Variants in SH3RF3 observed in about 807,000 individuals in gnomAD.
SH3RF3 encodes E3 ubiquitin-protein ligase SH3RF3.
SH3RF3 carries 29 observed loss-of-function variants against 66.3 expected under a neutral mutation model. The ratio of observed to expected loss-of-function variants is 0.44; its 90% CI spans 0.33 to 0.60. The LOEUF is 0.60. SH3RF3 is among the 20% of genes least tolerant of loss of function. SH3RF3 has a pLI of 0.04. For missense variants in SH3RF3, 1,194 were observed against 1,190.9 expected (o/e 1.00, Z -0.04); for synonymous variants, 583 against 532.0 (o/e 1.10, Z -1.32).
chr2:109,230,503 C>G (rs990313682), intron 1 of SH3RF3, among the ~76,000 whole-genome samples: 1 of 152,084 alleles, frequency 6.6e-6, no homozygotes, highest in Non-Finnish European at 1.5e-5. Context: ...TTGCTTGAAC[C>G]TAGTAGGTAG....
Position 109,177,049 on chromosome 2 carries a change from G to T in SH3RF3, c.573+46936G>T, listed in dbSNP as rs1210930227. On this transcript the variant is annotated intron_variant, in intron 1 of 9. Coordinates refer to ENST00000309415, the MANE Select transcript of SH3RF3 (RefSeq NM_001099289.3). ...TGTCAGCCACCTGCTGTGTGACCTG[G>T]TGGAAGTTACATTTAAATGTTCCAG... 2.6e-5 allele frequency among the ~76,000 whole-genome samples: 4 copies of T among 152,302 alleles called. 1 individual carries two copies. The East Asian group carries it at 7.7e-4, about 29-fold the overall frequency.
chr2:109,393,873 C>T (rs1676068697), intron 3 of SH3RF3, among the ~76,000 whole-genome samples: 1 of 150,374 alleles, frequency 6.7e-6, no homozygotes, highest in Non-Finnish European at 1.5e-5. Flanking sequence ...GCCAATCTTA[C>T]TCCTTTTTTA....
At chr2:109,342,037 G>A (rs766896008) in intron 1 of SH3RF3, among the ~76,000 whole-genome samples, 3 of 152,222 alleles carry the variant, frequency 2.0e-5, no homozygotes, top group African/African-American at 2.4e-5. Context: ...GGGGCCTATG[G>A]ACGAATGTGT....
At chr2:109,380,723 T>C (rs886674774) in intron 3 of SH3RF3, among the ~76,000 whole-genome samples, 2 of 152,168 alleles carry the variant, frequency 1.3e-5, no homozygotes, top group Non-Finnish European at 2.9e-5. Context: ...CCTTGTGCCA[T>C]AGTTCCTGAG....
intron 1 of SH3RF3, among the ~76,000 whole-genome samples, chr2:109,252,325 G>T (rs1680112985): frequency 1.3e-5 from 2 of 151,692 alleles, no homozygotes; most frequent in South Asian, 2.1e-4. Flanking sequence ...AGTTTACATT[G>T]TTCAACAGAA....
chr2:109,485,872 A>T lies in SH3RF3; in HGVS notation c.2149-4733A>T, dbSNP rs549281374. On this transcript the variant is annotated intron_variant, in intron 8 of 9. Transcript: ENST00000309415. ...CAGGGCTGCAGCACAGCCTCATCGC[A>T]AGCCTCCAGTCCCTGGCCCTCCCTG... Among the ~76,000 whole-genome samples, 4 of 152,334 alleles carry T rather than the reference A, an allele frequency of 2.6e-5. No individual in the cohort carries two copies. The South Asian group carries it at 6.2e-4, about 24-fold the overall frequency.
Position 109,264,272 on chromosome 2 carries a change from G to A in SH3RF3, c.574-83402G>A, listed in dbSNP as rs3925960. ...CCTCCCCAGGATCCACCTCGAGTCT[G>A]TGGGTGCCCCCATCCACCTCCACAG... On this transcript the variant is annotated intron_variant, in intron 1 of 9. Transcript: ENST00000309415. Among the ~76,000 whole-genome samples the A allele has an allele frequency of 6.2e-3, 905 of 145,266 alleles. 8 individuals are homozygous for A. The highest frequency in any genetic ancestry group is 0.018 in the South Asian group (80 of 4,484).
chr2:109,167,134 T>C (rs2104930463), intron 1 of SH3RF3, among the ~76,000 whole-genome samples: 1 of 152,354 alleles, frequency 6.6e-6, no homozygotes, highest in Non-Finnish European at 1.5e-5. Flanking sequence ...AAGTGTTCTT[T>C]ATGATATGGT....
chr2:109,448,450 C>G (rs1344721036), intron 7 of SH3RF3, among the ~76,000 whole-genome samples: 2 of 152,126 alleles, frequency 1.3e-5, no homozygotes, highest in East Asian at 3.9e-4. Context: ...TACAGCCCCT[C>G]CTCAACGCTT....
intron 1 of SH3RF3, among the ~76,000 whole-genome samples, chr2:109,146,317 A>G (rs1421956720): frequency 6.6e-6 from 1 of 152,188 alleles, no homozygotes; most frequent in Admixed American, 6.5e-5. Flanking sequence ...AAATTGCCAA[A>G]GGGATCATTC....
chr2:109,170,406 C>T (rs916706541), intron 1 of SH3RF3, among the ~76,000 whole-genome samples: 2 of 151,754 alleles, frequency 1.3e-5, no homozygotes, highest in South Asian at 4.2e-4. Context: ...AGTGCAGTGG[C>T]ACAATCTCGG....
intron 2 of SH3RF3, among the ~76,000 whole-genome samples, chr2:109,349,685 G>A (rs1289808291): frequency 6.6e-6 from 1 of 152,232 alleles, no homozygotes; most frequent in Non-Finnish European, 1.5e-5. Context: ...TCCTCCAGGG[G>A]CCTCACAGGA....
intron 1 of SH3RF3, among the ~76,000 whole-genome samples, chr2:109,195,391 C>T (rs890898908): frequency 8.5e-5 from 13 of 152,240 alleles, no homozygotes; most frequent in Admixed American, 7.2e-4. Context: ...CCTCTGGGAC[C>T]AGGCAGGCCC....
intron 8 of SH3RF3, among the ~76,000 whole-genome samples, chr2:109,468,519 G>A (rs1422231475): frequency 3.3e-5 from 5 of 152,208 alleles, no homozygotes; most frequent in Admixed American, 6.5e-5. Context: ...GTTTCCATGC[G>A]CCTGGCAAGA....
chr2:109,258,453 C>T (rs1490003768), intron 1 of SH3RF3, among the ~76,000 whole-genome samples: 1 of 152,162 alleles, frequency 6.6e-6, no homozygotes, highest in Non-Finnish European at 1.5e-5. Flanking sequence ...TGGAGGCTTC[C>T]TCGGGCCCTC....
intron 1 of SH3RF3, among the ~76,000 whole-genome samples, chr2:109,198,380 CAGTG>C (rs1288676840): frequency 6.6e-6 from 1 of 152,162 alleles, no homozygotes; most frequent in African/African-American, 2.4e-5. Context: ...AAACAAAACT[CAGTG>C]AGCAAGGGGT....
chr2:109,357,836 C>T (rs1463977173), intron 2 of SH3RF3, among the ~76,000 whole-genome samples: 3 of 152,204 alleles, frequency 2.0e-5, no homozygotes, highest in African/African-American at 4.8e-5. Flanking sequence ...TAAACCTCTG[C>T]CCCTACATGC....
intron 4 of SH3RF3, among the ~76,000 whole-genome samples, chr2:109,413,924 A>G (rs1676657997): frequency 6.6e-6 from 1 of 152,232 alleles, no homozygotes; most frequent in Non-Finnish European, 1.5e-5. Flanking sequence ...CAGCAGGGGC[A>G]GTCACCTGCC....
chr2:109,266,587 G>A (rs143093257), intron 1 of SH3RF3, among the ~76,000 whole-genome samples: 18 of 152,092 alleles, frequency 1.2e-4, no homozygotes, highest in Non-Finnish European at 8.8e-5. Flanking sequence ...CCTGATGCCC[G>A]TCACCGAGAC....
Sources: allele counts gnomAD v4.1 joint callset (sites outside exome capture counted in the v4.1 genomes callset), GRCh38; gene constraint gnomAD v4.1.1; transcripts MANE v1.5; gene names NCBI Gene and HGNC (gene_info 2026-07-23, HGNC 2026-07-21).